PPP1R14C: variants seen among roughly 807,000 people sequenced by gnomAD.
The protein encoded by PPP1R14C is protein phosphatase 1 regulatory subunit 14C.
A neutral mutation model predicts 20.4 loss-of-function variants in PPP1R14C; 16 were observed. The observed-to-expected ratio is 0.78, with a 90% CI of 0.53 to 1.19. The LOEUF is 1.19. Ranked by LOEUF, PPP1R14C falls within the 50% of genes most tolerant of loss-of-function variation. PPP1R14C has a pLI of 0.00. For missense variants in PPP1R14C, 211 were observed against 220.1 expected (o/e 0.96, Z 0.26); for synonymous variants, 91 against 91.0 (o/e 1.00, Z 0.00).
chr6:150,189,532 A>C (rs1777717773), intron 1 of PPP1R14C, among the ~76,000 whole-genome samples: 2 of 135,992 alleles, frequency 1.5e-5, no homozygotes, highest in Non-Finnish European at 3.1e-5. Context: ...CCTTGATTGC[A>C]TTTGGAAAAC....
chr6:150,196,861 A>C (rs1226228058), intron 1 of PPP1R14C, among the ~76,000 whole-genome samples: 1 of 152,216 alleles, frequency 6.6e-6, no homozygotes, highest in Non-Finnish European at 1.5e-5. Flanking sequence ...AGTTTTTAAA[A>C]TTAATTGGAA....
Position 150,248,927 on chromosome 6 carries a change from GTTT to G in PPP1R14C, c.*118_*120del. 4.5e-6 allele frequency: 2 copies of G among 445,702 alleles called. No individual in the cohort carries two copies. The highest frequency in any genetic ancestry group is 4.3e-5 in the Admixed American group (1 of 23,500). The allele number at this position is 445,702 out of a possible 1,614,324, so 27.6% of individuals were successfully genotyped here. ...AGGTGTCCTTATGAACAACGTTTTT[GTTT>G]TTTTTTTTTTCTTTTTTGGTGTGAA... On this transcript the variant is annotated 3_prime_UTR_variant, in exon 4 of 4. Transcript: ENST00000361131.
At position 150,205,915 on chromosome 6, in the gene PPP1R14C, G is replaced by A. The variant is rs112819880; in HGVS notation, c.307-8829G>A. Among the ~76,000 whole-genome samples the A allele has an allele frequency of 8.2e-3, 1,250 of 151,954 alleles. 5 individuals carry two copies. The highest frequency in any genetic ancestry group is 0.012 in the Non-Finnish European group (839 of 67,962). The stretch of plus-strand genomic sequence containing the variant: ...CTGTGGCCTCTTAACTGGTCTTTTC[G>A]CGTATGCCCTCCTTTCTAACAGGTA... On this transcript the variant is annotated intron_variant, in intron 1 of 3. Coordinates refer to ENST00000361131, the MANE Select transcript of PPP1R14C (RefSeq NM_030949.3).
At chr6:150,220,455 C>A (rs568264706) in intron 3 of PPP1R14C, among the ~76,000 whole-genome samples, 4 of 152,000 alleles carry the variant, frequency 2.6e-5, no homozygotes, top group Admixed American at 1.3e-4. Context: ...TATAGGAAAG[C>A]GATTTTAAAT....
At chr6:150,162,306 G>A (rs902349940) in intron 1 of PPP1R14C, among the ~76,000 whole-genome samples, 1 of 152,066 alleles carries the variant, frequency 6.6e-6, no homozygotes, top group Non-Finnish European at 1.5e-5. Flanking sequence ...CTGCCCACCT[G>A]GGCCTCCCAA....
intron 2 of PPP1R14C, among the ~76,000 whole-genome samples, chr6:150,215,879 G>A (rs59288040): frequency 0.19 from 29,291 of 152,082 alleles, 3,920 homozygotes; most frequent in African/African-American, 0.38. Flanking sequence ...CAGTGTGGGT[G>A]CCACCATCTT....
At chr6:150,173,495 G>A (rs1268469976) in intron 1 of PPP1R14C, among the ~76,000 whole-genome samples, 7 of 152,010 alleles carry the variant, frequency 4.6e-5, no homozygotes, top group South Asian at 4.2e-4. Flanking sequence ...CTTCTCAGGG[G>A]GCTCAGATCT....
intron 3 of PPP1R14C, among the ~76,000 whole-genome samples, chr6:150,233,546 G>A (rs771768420): frequency 6.6e-6 from 1 of 152,184 alleles, no homozygotes; most frequent in Non-Finnish European, 1.5e-5. Flanking sequence ...CACCCCGTTT[G>A]TGGTGAATCT....
chr6:150,162,887 CCAGG>C (rs1236909366), intron 1 of PPP1R14C, among the ~76,000 whole-genome samples: 3 of 152,008 alleles, frequency 2.0e-5, no homozygotes, highest in Non-Finnish European at 2.9e-5. Flanking sequence ...GTTAGTGGGG[CCAGG>C]AAGGGCTTCT....
chr6:150,239,280 T>C (rs1287256121), intron 3 of PPP1R14C, among the ~76,000 whole-genome samples: 2 of 152,200 alleles, frequency 1.3e-5, no homozygotes. Context: ...GGCAGCCTGG[T>C]TTTTAATAAG....
At chr6:150,244,721 G>A (rs902262061) in intron 3 of PPP1R14C, among the ~76,000 whole-genome samples, 27 of 152,168 alleles carry the variant, frequency 1.8e-4, no homozygotes, top group African/African-American at 1.4e-4. Flanking sequence ...AGTGGCTACC[G>A]TATTGAATAG....
At chr6:150,246,344 TGTA>T (rs1778492624) in intron 3 of PPP1R14C, among the ~76,000 whole-genome samples, 2 of 152,146 alleles carry the variant, frequency 1.3e-5, no homozygotes, top group Admixed American at 6.5e-5. Flanking sequence ...TGAAACTTTT[TGTA>T]GTAGTCATAT....
intron 1 of PPP1R14C, among the ~76,000 whole-genome samples, chr6:150,144,997 G>GTT (rs146572941): frequency 6.7e-6 from 1 of 149,138 alleles, no homozygotes; most frequent in African/African-American, 2.5e-5. Context: ...ATTTCATACT[G>GTT]TTTTTTTTTT....
chr6:150,148,346 G>A (rs1271545023), intron 1 of PPP1R14C, among the ~76,000 whole-genome samples: 3 of 152,192 alleles, frequency 2.0e-5, no homozygotes, highest in Admixed American at 6.5e-5. Flanking sequence ...CAAGGCTGTG[G>A]CCAGGGAGTC....
Position 150,236,317 on chromosome 6 carries a change from C to T in PPP1R14C, c.424-12429C>T, listed in dbSNP as rs569881183. ...GAGTCCCTGACAGATACTCAGTACCCGCGAGAGCACGGTACTGTGCCAAGC... is the reference window on the plus strand; with the variant it reads ...GAGTCCCTGACAGATACTCAGTACCTGCGAGAGCACGGTACTGTGCCAAGC... On this transcript the variant is annotated intron_variant, in intron 3 of 3. Coordinates refer to ENST00000361131, the MANE Select transcript of PPP1R14C (RefSeq NM_030949.3). 1.1e-4 allele frequency among the ~76,000 whole-genome samples: 16 copies of T among 150,648 alleles called. No individual in the cohort carries two copies. In the South Asian group the frequency reaches 1.2e-3, roughly 12 times the overall value.
At chr6:150,220,955 A>C (rs1198428320) in intron 3 of PPP1R14C, among the ~76,000 whole-genome samples, 1 of 152,252 alleles carries the variant, frequency 6.6e-6, no homozygotes, top group East Asian at 1.9e-4. Context: ...TTCCAAAAGC[A>C]GAAAAAGGAG....
chr6:150,152,119 CAAAA>C (rs577869928), intron 1 of PPP1R14C, among the ~76,000 whole-genome samples: 5 of 84,944 alleles, frequency 5.9e-5, no homozygotes, highest in African/African-American at 1.5e-4. Flanking sequence ...GACTCCGTCT[CAAAA>C]AAAAAAAAAA....
intron 2 of PPP1R14C, among the ~76,000 whole-genome samples, 157 bp from the exon 3 acceptor site, chr6:150,216,667 A>T (rs1419042355): frequency 6.6e-6 from 1 of 152,234 alleles, no homozygotes; most frequent in Non-Finnish European, 1.5e-5. Context: ...TCAGACTACC[A>T]ACTGGTGCTG....
intron 1 of PPP1R14C, among the ~76,000 whole-genome samples, chr6:150,160,032 T>C (rs1325954867): frequency 6.6e-6 from 1 of 152,158 alleles, no homozygotes; most frequent in Admixed American, 6.5e-5. Flanking sequence ...GTTTTTCTCA[T>C]GATTAGACTG....
Sources: gnomAD v4.1 joint callset for allele counts (sites outside exome capture counted in the v4.1 genomes callset) on GRCh38, gnomAD v4.1.1 for gene constraint, MANE v1.5 for transcripts, NCBI Gene and HGNC (gene_info 2026-07-23, HGNC 2026-07-21) for gene names.